The following DIAPH2 variants were observed in gnomAD, a reference collection of about 807,000 sequenced individuals.
DIAPH2 encodes protein diaphanous homolog 2.
Under a neutral mutation model 92.7 loss-of-function variants are expected in DIAPH2, and 35 were observed. That is an observed-to-expected ratio of 0.38 (90% confidence interval 0.29 to 0.50). The LOEUF (loss-of-function observed/expected upper bound fraction) is 0.50. Among genes scored for constraint, DIAPH2 ranks in the 20% least tolerant of loss-of-function variants. The pLI, the probability that DIAPH2 is intolerant of heterozygous loss-of-function variation, is 0.94. For missense variants in DIAPH2, 701 were observed against 819.5 expected, an observed-to-expected ratio of 0.86 and a Z score of 1.77; for synonymous variants, 301 against 280.4, an observed-to-expected ratio of 1.07 and a Z score of -0.73.
chrX:97,577,944 C>G (rs182773788), intron 26 of DIAPH2, among the ~76,000 whole-genome samples: 1 of 110,785 alleles, frequency 9.0e-6, no homozygotes, highest in African/African-American at 3.3e-5. Context: ...ATCTGAGTCC[C>G]TGAAAGTTAA....
chrX:97,187,768 T>C (rs2067620261), intron 22 of DIAPH2, among the ~76,000 whole-genome samples: 1 of 111,952 alleles, frequency 8.9e-6, no homozygotes, highest in African/African-American at 3.2e-5. Context: ...AGTGTTTGTG[T>C]TACACTTGGG....
chrX:96,738,483 T>G, intron 2 of DIAPH2, 103 bp from the exon 3 acceptor site: 4 of 581,104 alleles, frequency 6.9e-6, no homozygotes, highest in Non-Finnish European at 1.0e-5. Context: ...AAGACAATAA[T>G]GATATGTATT....
intron 26 of DIAPH2, among the ~76,000 whole-genome samples, chrX:97,467,922 G>C (rs902752438): frequency 4.5e-5 from 5 of 111,588 alleles, no homozygotes; most frequent in African/African-American, 1.6e-4. Flanking sequence ...TGGAGGCCAT[G>C]CCAGTTTATT....
At chrX:97,504,381 G>GCTGC (rs2070818879) in intron 26 of DIAPH2, among the ~76,000 whole-genome samples, 1 of 112,004 alleles carries the variant, frequency 8.9e-6, no homozygotes, top group Non-Finnish European at 1.9e-5. Context: ...ATAATGCTTG[G>GCTGC]CTGCCCTGCC....
intron 23 of DIAPH2, among the ~76,000 whole-genome samples, chrX:97,309,104 A>T (rs1430818040): frequency 1.9e-5 from 2 of 105,535 alleles, no homozygotes; most frequent in Admixed American, 1.0e-4. Flanking sequence ...AATTTTATTT[A>T]TTTATTTTTT....
intron 26 of DIAPH2, among the ~76,000 whole-genome samples, chrX:97,553,212 T>G (rs763985811): frequency 3.6e-5 from 4 of 112,240 alleles, no homozygotes; most frequent in Non-Finnish European, 5.6e-5. Context: ...CCCTTACACC[T>G]GCATCAGCTT....
At chrX:96,986,942 C>T (rs1412016830) in intron 17 of DIAPH2, among the ~76,000 whole-genome samples, 4 of 111,675 alleles carry the variant, frequency 3.6e-5, no homozygotes, top group Non-Finnish European at 5.7e-5. Context: ...GTATTTAATG[C>T]TAATCTCCTT....
Position 97,141,775 on chromosome X carries a change from C to T in DIAPH2, c.2700C>T (p.His900=), listed in dbSNP as rs775380479. 3.3e-6 allele frequency: 4 copies of T among 1,202,142 alleles called. No homozygotes were observed. The highest frequency in any genetic ancestry group is 4.5e-6 in the Non-Finnish European group (4 of 892,281). The change falls in exon 22 of 27, where the codon CAC becomes CAT. Residue 900 remains histidine, a synonymous_variant. Coordinates refer to ENST00000324765, the MANE Select transcript of DIAPH2 (RefSeq NM_006729.5). ...TAAAATTTCCTGAAGAACTGGAACA[C>T]GTAGAAAGTGCAAGCAAAGGTAATT... ...DILKFPEELE[H]VESASKVSAQ... is the part of the protein sequence containing the mutation.
intron 20 of DIAPH2, among the ~76,000 whole-genome samples, chrX:97,102,676 A>G (rs2066913842): frequency 8.9e-6 from 1 of 112,181 alleles, no homozygotes; most frequent in Non-Finnish European, 1.9e-5. Flanking sequence ...GCGTTGGCTC[A>G]TGCCTGTAAT....
At chrX:97,387,999 C>A (rs1474345467) in intron 25 of DIAPH2, among the ~76,000 whole-genome samples, 1 of 111,873 alleles carries the variant, frequency 8.9e-6, no homozygotes, top group Non-Finnish European at 1.9e-5. Flanking sequence ...CTAACCATAT[C>A]GGCTTGGGGA....
chrX:97,023,538 T>C (rs2066311845), intron 17 of DIAPH2, among the ~76,000 whole-genome samples: 1 of 111,894 alleles, frequency 8.9e-6, no homozygotes, highest in Admixed American at 9.5e-5. Context: ...GTCACACAGC[T>C]AGTAAGTGGG....
chrX:97,020,544 C>T (rs1408926285), intron 17 of DIAPH2, among the ~76,000 whole-genome samples: 1 of 111,707 alleles, frequency 9.0e-6, no homozygotes, highest in Non-Finnish European at 1.9e-5. Flanking sequence ...AAACTAACAG[C>T]TATAATAATA....
At chrX:97,372,929 A>C (rs2069462054) in intron 24 of DIAPH2, among the ~76,000 whole-genome samples, 1 of 110,531 alleles carries the variant, frequency 9.0e-6, no homozygotes, top group Non-Finnish European at 1.9e-5. Flanking sequence ...GTTAGCTGAG[A>C]TTGTGCCATT....
chrX:96,932,213 C>T (rs1272494196), intron 10 of DIAPH2, among the ~76,000 whole-genome samples: 2 of 110,648 alleles, frequency 1.8e-5, no homozygotes, highest in Admixed American at 1.9e-4. Flanking sequence ...GACTTGCTGG[C>T]TGCAAGGGCT....
intron 1 of DIAPH2, among the ~76,000 whole-genome samples, chrX:96,721,193 T>C (rs2063986471): frequency 8.9e-6 from 1 of 112,062 alleles, no homozygotes; most frequent in African/African-American, 3.2e-5. Flanking sequence ...AACTGGGAAG[T>C]TTTTATGTTT....
chrX:97,558,310 AC>A (rs2071271066), intron 26 of DIAPH2, among the ~76,000 whole-genome samples: 1 of 112,205 alleles, frequency 8.9e-6, no homozygotes, highest in Admixed American at 9.4e-5. Flanking sequence ...TAGCTTGCGA[AC>A]TTTGAAGGAT....
At chrX:97,033,152 A>C (rs1316393831) in intron 17 of DIAPH2, among the ~76,000 whole-genome samples, 3 of 112,138 alleles carry the variant, frequency 2.7e-5, no homozygotes, top group Non-Finnish European at 5.7e-5. Context: ...AATTTTGTTG[A>C]GAATATTTGA....
At chrX:96,955,754 C>G (rs1414181065) in intron 15 of DIAPH2, among the ~76,000 whole-genome samples, 1 of 112,726 alleles carries the variant, frequency 8.9e-6, no homozygotes, top group Non-Finnish European at 1.9e-5. Flanking sequence ...TCTCCTTTGA[C>G]TCCATGTCTC....
intron 17 of DIAPH2, among the ~76,000 whole-genome samples, chrX:96,975,852 C>T (rs149117793): frequency 0.04 from 4,489 of 111,254 alleles, 104 homozygotes; most frequent in Middle Eastern, 0.083. Context: ...GCTCTGCCCT[C>T]GTGACATAAT....
Sources: gnomAD v4.1 joint callset for allele counts (sites outside exome capture counted in the v4.1 genomes callset) on GRCh38, gnomAD v4.1.1 for gene constraint, MANE v1.5 for transcripts, NCBI Gene and HGNC (gene_info 2026-07-23, HGNC 2026-07-21) for gene names.